Variants in PDE7B observed in about 807,000 individuals in gnomAD.
PDE7B encodes 3',5'-cyclic-AMP phosphodiesterase 7B.
Under a neutral mutation model 56.2 loss-of-function variants are expected in PDE7B, and 29 were observed. The ratio of observed to expected loss-of-function variants is 0.52; its 90% CI spans 0.38 to 0.70. The LOEUF (loss-of-function observed/expected upper bound fraction) is 0.70. Among genes scored for constraint, PDE7B ranks in the 30% least tolerant of loss-of-function variants. The pLI is 0.00. For synonymous variants in PDE7B, 197 were observed against 196.9 expected (o/e 1.00, Z 0.00); for missense variants, 490 against 565.0 (o/e 0.87, Z 1.35).
intron 1 of PDE7B, among the ~76,000 whole-genome samples, chr6:135,935,216 A>ATATATATATT (rs1363801314): frequency 7.2e-5 from 7 of 96,598 alleles, no homozygotes; most frequent in South Asian, 6.1e-4. Context: ...ATATATATAT[A>ATATATATATT]TTTTCATGAT....
intron 1 of PDE7B, among the ~76,000 whole-genome samples, chr6:135,906,798 T>G (rs1290123879): frequency 6.8e-6 from 1 of 146,422 alleles, no homozygotes; most frequent in African/African-American, 2.5e-5. Flanking sequence ...GACTCAAATG[T>G]TAATGAGGTT....
intron 12 of PDE7B, among the ~76,000 whole-genome samples, chr6:136,190,880 C>G (rs938822339): frequency 6.6e-6 from 1 of 152,022 alleles, no homozygotes; most frequent in Non-Finnish European, 1.5e-5. Flanking sequence ...GTAAAATGAT[C>G]ATCTTGAAAA....
intron 2 of PDE7B, chr6:136,037,691 T>C: frequency 1.0e-6 from 1 of 985,404 alleles, no homozygotes; most frequent in Non-Finnish European, 1.2e-6. Context: ...CACCTCCAGA[T>C]AACTGGCCTC....
intron 2 of PDE7B, among the ~76,000 whole-genome samples, chr6:136,003,186 G>T (rs969287578): frequency 1.3e-5 from 2 of 151,842 alleles, no homozygotes; most frequent in African/African-American, 4.8e-5. Flanking sequence ...AGAATCTCTG[G>T]GATGCATTCA....
intron 2 of PDE7B, among the ~76,000 whole-genome samples, chr6:136,036,176 G>A (rs1303134425): frequency 6.6e-6 from 1 of 152,172 alleles, no homozygotes; most frequent in Non-Finnish European, 1.5e-5. Flanking sequence ...GTAAGATAAG[G>A]ACTGGACGGG....
intron 1 of PDE7B, among the ~76,000 whole-genome samples, chr6:135,885,122 A>G (rs750308625): frequency 1.5e-4 from 23 of 151,978 alleles, no homozygotes; most frequent in Non-Finnish European, 3.2e-4. Context: ...TCATATTTCT[A>G]TTCTTCTCTA....
intron 3 of PDE7B, among the ~76,000 whole-genome samples, chr6:136,140,119 CT>C (rs1460511112): frequency 6.6e-6 from 1 of 152,168 alleles, no homozygotes; most frequent in Non-Finnish European, 1.5e-5. Context: ...ACATTTAAGT[CT>C]TTAATCCATC....
At chr6:135,921,931 G>A (rs1009565601) in intron 1 of PDE7B, among the ~76,000 whole-genome samples, 2 of 151,952 alleles carry the variant, frequency 1.3e-5, no homozygotes, top group Non-Finnish European at 2.9e-5. Flanking sequence ...AAAACTTACT[G>A]GAGTAGACTG....
At chr6:136,006,172 A>G (rs1317237367) in intron 2 of PDE7B, among the ~76,000 whole-genome samples, 1 of 127,768 alleles carries the variant, frequency 7.8e-6, no homozygotes, top group Non-Finnish European at 1.6e-5. Context: ...ATATGGACAC[A>G]GGAAGGGGAA....
At chr6:135,932,210 TAGAA>T (rs1460473496) in intron 1 of PDE7B, among the ~76,000 whole-genome samples, 3 of 152,044 alleles carry the variant, frequency 2.0e-5, no homozygotes, top group Non-Finnish European at 2.9e-5. Flanking sequence ...TATAAAAAAA[TAGAA>T]AGAATGAATC....
At chr6:135,979,737 G>A (rs1187459310) in intron 2 of PDE7B, among the ~76,000 whole-genome samples, 2 of 152,062 alleles carry the variant, frequency 1.3e-5, no homozygotes, top group African/African-American at 2.4e-5. Flanking sequence ...CAACTTACAA[G>A]GGATGTGAAG....
At chr6:135,877,653 T>C (rs897091779) in intron 1 of PDE7B, among the ~76,000 whole-genome samples, 4 of 151,906 alleles carry the variant, frequency 2.6e-5, no homozygotes, top group Non-Finnish European at 5.9e-5. Context: ...GTCATTAATA[T>C]CTTTCTTAGA....
chr6:136,103,762 CTTCTTCA>C (rs1344473900), intron 2 of PDE7B, among the ~76,000 whole-genome samples: 1 of 152,184 alleles, frequency 6.6e-6, no homozygotes, highest in Non-Finnish European at 1.5e-5. Context: ...ACGTCACTAT[CTTCTTCA>C]TTCATCTCAG....
chr6:136,135,738 A>T (rs972409184), intron 3 of PDE7B, among the ~76,000 whole-genome samples: 3 of 152,096 alleles, frequency 2.0e-5, no homozygotes, highest in Admixed American at 2.0e-4. Context: ...ATGTCTAGAG[A>T]TGCTAAACTG....
At chr6:135,871,121 G>A (rs551397485) in intron 1 of PDE7B, among the ~76,000 whole-genome samples, 1 of 152,314 alleles carries the variant, frequency 6.6e-6, no homozygotes, top group African/African-American at 2.4e-5. Context: ...GTAGGAATCT[G>A]CTGCTCTCTA....
chr6:136,155,472 T>A (rs188717019), intron 7 of PDE7B, among the ~76,000 whole-genome samples, 155 bp from the exon 8 acceptor site: 38 of 152,370 alleles, frequency 2.5e-4, no homozygotes, highest in African/African-American at 8.7e-4. Context: ...TGATTTCATG[T>A]GACTATCACC....
chr6:135,864,982 C>G (rs546003962), intron 1 of PDE7B, among the ~76,000 whole-genome samples: 91 of 144,184 alleles, frequency 6.3e-4, no homozygotes, highest in Admixed American at 3.2e-3. Flanking sequence ...TGATGTCCCC[C>G]TCCTGCATCC....
At chr6:135,852,777 CAG>C (rs1378023209) in intron 1 of PDE7B, among the ~76,000 whole-genome samples, 1 of 152,184 alleles carries the variant, frequency 6.6e-6, no homozygotes, top group Non-Finnish European at 1.5e-5. Context: ...AAAATGGAGT[CAG>C]ATATTCAATT....
intron 2 of PDE7B, among the ~76,000 whole-genome samples, chr6:136,018,057 G>A (rs998056051): frequency 2.3e-4 from 35 of 152,124 alleles, no homozygotes; most frequent in African/African-American, 8.4e-4. Context: ...TTTCAATAGC[G>A]TCAAACAGTA....
Sources: allele counts gnomAD v4.1 joint callset (sites outside exome capture counted in the v4.1 genomes callset), GRCh38; gene constraint gnomAD v4.1.1; transcripts MANE v1.5; gene names NCBI Gene and HGNC (gene_info 2026-07-23, HGNC 2026-07-21).